The following GRM7 variants were observed in gnomAD, a reference collection of about 807,000 sequenced individuals.
The protein encoded by GRM7 is glutamate metabotropic receptor 7.
Under a neutral mutation model 84.5 loss-of-function variants are expected in GRM7, and 35 were observed. That is an observed-to-expected ratio of 0.41 (90% CI 0.32 to 0.55). The LOEUF is 0.55. Among genes scored for constraint, GRM7 ranks in the 20% least tolerant of loss-of-function variants. GRM7 has a pLI of 0.19. For synonymous variants in GRM7, 487 were observed against 455.1 expected, an observed-to-expected ratio of 1.07 and a Z score of -0.89; for missense variants, 1,003 against 1,194.6, an observed-to-expected ratio of 0.84 and a Z score of 2.36.
chr3:7,256,786 C>G (rs934337678), intron 2 of GRM7, among the ~76,000 whole-genome samples: 3 of 152,050 alleles, frequency 2.0e-5, no homozygotes, highest in African/African-American at 7.3e-5. Flanking sequence ...ATTTTATCAT[C>G]TAGTGGGGAA....
chr3:6,946,864 G>T (rs1395188611), intron 1 of GRM7, among the ~76,000 whole-genome samples: 1 of 152,112 alleles, frequency 6.6e-6, no homozygotes, highest in African/African-American at 2.4e-5. Flanking sequence ...GTCTGTTATT[G>T]CTGTATAAGA....
intron 1 of GRM7, among the ~76,000 whole-genome samples, chr3:7,085,776 C>A (rs902258194): frequency 3.9e-5 from 6 of 151,970 alleles, no homozygotes; most frequent in African/African-American, 1.2e-4. Context: ...ATATGCACAC[C>A]CTTTCAGCTG....
chr3:7,123,718 C>T (rs887413620), intron 1 of GRM7, among the ~76,000 whole-genome samples: 1 of 152,178 alleles, frequency 6.6e-6, no homozygotes, highest in African/African-American at 2.4e-5. Context: ...GGGGGCTTCT[C>T]AAACATTTCT....
At chr3:7,146,205 T>C (rs1694105517) in intron 1 of GRM7, among the ~76,000 whole-genome samples, 1 of 152,180 alleles carries the variant, frequency 6.6e-6, no homozygotes, top group African/African-American at 2.4e-5. Flanking sequence ...GGAATTCCCA[T>C]GCTAACCTCC....
At chr3:7,719,653 G>A (rs911261537) in intron 9 of GRM7, among the ~76,000 whole-genome samples, 6 of 152,030 alleles carry the variant, frequency 3.9e-5, no homozygotes, top group African/African-American at 1.4e-4. Context: ...TCTACTAAAA[G>A]TGCAAAAAAT....
At chr3:7,111,348 T>G (rs1307313972) in intron 1 of GRM7, among the ~76,000 whole-genome samples, 1 of 152,152 alleles carries the variant, frequency 6.6e-6, no homozygotes, top group Non-Finnish European at 1.5e-5. Flanking sequence ...TTGTTCTTAA[T>G]GGTATATTGC....
At chr3:7,259,838 C>T (rs935442481) in intron 2 of GRM7, among the ~76,000 whole-genome samples, 6 of 151,444 alleles carry the variant, frequency 4.0e-5, no homozygotes, top group African/African-American at 1.5e-4. Flanking sequence ...AATAGCAGTT[C>T]TGTTTTTAGC....
intron 8 of GRM7, among the ~76,000 whole-genome samples, chr3:7,601,265 C>A (rs1038748843): frequency 3.9e-5 from 6 of 152,094 alleles, no homozygotes; most frequent in Admixed American, 3.9e-4. Context: ...TAATGCTGTG[C>A]ATTTTGTCTT....
At chr3:7,272,146 T>C (rs1698888783) in intron 2 of GRM7, among the ~76,000 whole-genome samples, 1 of 152,178 alleles carries the variant, frequency 6.6e-6, no homozygotes, top group Admixed American at 6.5e-5. Flanking sequence ...ATTACATGTT[T>C]TTCCTCTCTC....
At chr3:7,038,132 C>T (rs1157250740) in intron 1 of GRM7, among the ~76,000 whole-genome samples, 1 of 152,144 alleles carries the variant, frequency 6.6e-6, no homozygotes, top group African/African-American at 2.4e-5. Context: ...CAGTGGAATC[C>T]TAGCTCCAAC....
chr3:6,958,034 T>C (rs1575067117), intron 1 of GRM7, among the ~76,000 whole-genome samples: 1 of 152,098 alleles, frequency 6.6e-6, no homozygotes, highest in African/African-American at 2.4e-5. Flanking sequence ...TTACATGTAA[T>C]ACACGGCATA....
At chr3:7,258,772 GC>G (rs1346664527) in intron 2 of GRM7, among the ~76,000 whole-genome samples, 2 of 152,148 alleles carry the variant, frequency 1.3e-5, no homozygotes, top group African/African-American at 2.4e-5. Context: ...TTCAAGGAAA[GC>G]TGTGTTGTGA....
chr3:7,125,298 A>G (rs1432794887), intron 1 of GRM7, among the ~76,000 whole-genome samples: 1 of 152,180 alleles, frequency 6.6e-6, no homozygotes, highest in Admixed American at 6.6e-5. Context: ...AGACTGAGGC[A>G]GGAGGATCAC....
At chr3:7,391,987 C>T (rs758950924) in intron 4 of GRM7, among the ~76,000 whole-genome samples, 2 of 152,178 alleles carry the variant, frequency 1.3e-5, no homozygotes, top group Non-Finnish European at 2.9e-5. Context: ...AGATAACCCC[C>T]TCTCTACATC....
chr3:6,890,439 T>C (rs1457804755), intron 1 of GRM7, among the ~76,000 whole-genome samples: 3 of 152,242 alleles, frequency 2.0e-5, no homozygotes, highest in African/African-American at 7.2e-5. Flanking sequence ...GTGTCTTTGT[T>C]CTCGTTGGTT....
chr3:6,967,209 G>A (rs1231716482), intron 1 of GRM7, among the ~76,000 whole-genome samples: 1 of 151,816 alleles, frequency 6.6e-6, no homozygotes, highest in Non-Finnish European at 1.5e-5. Context: ...ATTTTTTGGA[G>A]ACAGAGTCTG....
At chr3:7,338,034 A>G (rs558136917) in intron 4 of GRM7, among the ~76,000 whole-genome samples, 1 of 151,748 alleles carries the variant, frequency 6.6e-6, no homozygotes, top group Admixed American at 6.6e-5. Flanking sequence ...AATAAAGAAA[A>G]TGTGGGATAT....
chr3:7,570,243 C>T (rs1294615822), intron 7 of GRM7, among the ~76,000 whole-genome samples: 1 of 152,150 alleles, frequency 6.6e-6, no homozygotes, highest in Non-Finnish European at 1.5e-5. Flanking sequence ...ACCAATCAAG[C>T]CTTCCCAACA....
intron 1 of GRM7, among the ~76,000 whole-genome samples, chr3:7,116,899 A>G (rs1022491800): frequency 6.6e-6 from 1 of 152,190 alleles, no homozygotes; most frequent in African/African-American, 2.4e-5. Flanking sequence ...TGAGGAAATG[A>G]ATCCTTTGCT....
Sources: gnomAD v4.1 joint callset for allele counts (sites outside exome capture counted in the v4.1 genomes callset) on GRCh38, gnomAD v4.1.1 for gene constraint, MANE v1.5 for transcripts, NCBI Gene and HGNC (gene_info 2026-07-23, HGNC 2026-07-21) for gene names.